CDK13: variants seen among roughly 807,000 people sequenced by gnomAD.
The protein encoded by CDK13 is cyclin-dependent kinase 13.
In CDK13, 40 loss-of-function variants were observed where a neutral mutation model predicts 137.6. The ratio of observed to expected loss-of-function variants is 0.29; its 90% CI spans 0.23 to 0.38. CDK13 has a LOEUF of 0.38. Ranked by LOEUF, CDK13 falls within the 10% of genes least tolerant of loss-of-function variation. The pLI is 1.00. For synonymous variants in CDK13, 869 were observed against 760.1 expected, an observed-to-expected ratio of 1.14 and a Z score of -2.36; for missense variants, 1,704 against 1,951.8, an observed-to-expected ratio of 0.87 and a Z score of 2.39.
intron 1 of CDK13, 50 bp from the exon 2 acceptor site, chr7:39,987,549 A>C: frequency 6.9e-7 from 1 of 1,450,260 alleles, no homozygotes; most frequent in Non-Finnish European, 9.2e-7. Context: ...TGTAAATTCC[A>C]AACTGAACCT....
intron 11 of CDK13, among the ~76,000 whole-genome samples, 191 bp from the exon 12 acceptor site, chr7:40,087,935 G>A (rs1389532065): frequency 6.6e-6 from 1 of 152,086 alleles, no homozygotes; most frequent in African/African-American, 2.4e-5. Context: ...TAGATTATCT[G>A]TAAAGGCAAA....
Position 40,098,184 on chromosome 7 carries a change from A to G in CDK13, c.*3204A>G, listed in dbSNP as rs538724382. On this transcript the variant is annotated 3_prime_UTR_variant, in exon 14 of 14. Coordinates refer to ENST00000181839, the MANE Select transcript of CDK13 (RefSeq NM_003718.5). ...AGCTGTTTGATATCACTTAAAAGTG[A>G]TAAAATTTTAAGTTGAATCTGGTCA... 6.6e-6 allele frequency: 1 copy of G among 152,138 alleles called. No individual in the cohort carries two copies. 9.4% of individuals were successfully genotyped at this position (152,138 alleles called of 1,614,324 possible). A position where few individuals can be genotyped will look rare whatever the true frequency, so the allele number is the denominator to read the frequency against.
intron 9 of CDK13, among the ~76,000 whole-genome samples, chr7:40,069,036 C>G (rs1441856689): frequency 6.6e-6 from 1 of 152,068 alleles, no homozygotes; most frequent in Non-Finnish European, 1.5e-5. Context: ...GAGTTTGAGA[C>G]CAGCCTGGGC....
chr7:39,968,817 CAG>C (rs1371754890), intron 1 of CDK13, among the ~76,000 whole-genome samples: 2 of 152,186 alleles, frequency 1.3e-5, no homozygotes, highest in African/African-American at 4.8e-5. Flanking sequence ...TCCACTGAAT[CAG>C]AGTCTTGAAT....
chr7:40,089,283 A>G (rs556866149), intron 12 of CDK13, among the ~76,000 whole-genome samples: 16 of 147,770 alleles, frequency 1.1e-4, no homozygotes, highest in African/African-American at 3.7e-4. Context: ...AAAAATACAA[A>G]AAAAAAATTA....
At chr7:40,003,734 C>T (rs912762624) in intron 5 of CDK13, among the ~76,000 whole-genome samples, 3 of 152,150 alleles carry the variant, frequency 2.0e-5, no homozygotes, top group African/African-American at 7.2e-5. Flanking sequence ...GAGATCACCT[C>T]CCTGCCTACT....
chr7:40,017,591 T>C (rs1293065492), intron 5 of CDK13, among the ~76,000 whole-genome samples: 1 of 152,126 alleles, frequency 6.6e-6, no homozygotes, highest in Non-Finnish European at 1.5e-5. Flanking sequence ...TGACATTTTC[T>C]ACTGATTTAG....
intron 11 of CDK13, among the ~76,000 whole-genome samples, chr7:40,079,896 G>C (rs1338545332): frequency 6.6e-6 from 1 of 152,158 alleles, no homozygotes; most frequent in Non-Finnish European, 1.5e-5. Flanking sequence ...ATTTCTCTAG[G>C]ATTGATTTGG....
At position 39,973,753 on chromosome 7, in the gene CDK13, G is replaced by A. The variant is rs529068503; in HGVS notation, c.1212-13846G>A. ...TCCTACTTTGATCCATTTTCAGTTA[G>A]TTTTTTGTATGGTGAAAGGAAGAGG... On this transcript the variant is annotated intron_variant, in intron 1 of 13. Transcript: ENST00000181839. Among the ~76,000 whole-genome samples, 242 of 152,214 alleles carry A rather than the reference G, an allele frequency of 1.6e-3. 1 individual carries two copies. The highest frequency in any genetic ancestry group is 0.01 in the Middle Eastern group (3 of 294).
At chr7:40,067,783 C>A (rs1786313284) in intron 9 of CDK13, 1 of 150,846 alleles carries the variant, frequency 6.6e-6, no homozygotes, top group Non-Finnish European at 1.5e-5. Context: ...ACGCCCCCAT[C>A]CCCCATATCT....
At chr7:39,995,188 A>G (rs187429921) in intron 2 of CDK13, among the ~76,000 whole-genome samples, 3 of 152,178 alleles carry the variant, frequency 2.0e-5, no homozygotes, top group Non-Finnish European at 2.9e-5. Flanking sequence ...TTCAATAAAA[A>G]TGTTTTAAAT....
intron 8 of CDK13, 48 bp downstream of exon 8, chr7:40,062,975 G>C (rs376788855): frequency 7.5e-6 from 12 of 1,603,698 alleles, no homozygotes; most frequent in African/African-American, 1.3e-5. Flanking sequence ...ACTTTTGGTA[G>C]TGAATTAAAA....
chr7:39,951,911 G>T lies in CDK13; in HGVS notation c.1211+59G>T, dbSNP rs573466804. 181 of 1,316,072 alleles carry T rather than the reference G, an allele frequency of 1.4e-4. No homozygotes were observed. The African/African-American group carries it at 2.5e-3, about 18-fold the overall frequency. 81.5% of individuals were successfully genotyped at this position (1,316,072 alleles called of 1,614,324 possible). A position where few individuals can be genotyped will look rare whatever the true frequency, so the allele number is the denominator to read the frequency against. On this transcript the variant is annotated intron_variant, in intron 1 of 13. Coordinates refer to ENST00000181839, the MANE Select transcript of CDK13 (RefSeq NM_003718.5). Reference sequence around the variant, plus strand: ...GCTGCGCTGGCCAGATCCCCAGGAGGAAGGGAAAGTGGTGCCCGGGTCCTC... The same window carrying T: ...GCTGCGCTGGCCAGATCCCCAGGAGTAAGGGAAAGTGGTGCCCGGGTCCTC...
chr7:39,952,049 C>T lies in CDK13; in HGVS notation c.1211+197C>T. The T allele has an allele frequency of 6.9e-6, 3 of 436,832 alleles. 1 individual carries two copies. The highest frequency in any genetic ancestry group is 3.8e-6 in the Non-Finnish European group (1 of 262,100). The allele number at this position is 436,832 out of a possible 1,614,324, so 27.1% of individuals were successfully genotyped here. A position where few individuals can be genotyped will look rare whatever the true frequency, so the allele number is the denominator to read the frequency against. ...TTAGGGGGTCGAAGGGACAAAGCAA[C>T]TGGGCGAAGGGAACTTTTCTCCTAG... On this transcript the variant is annotated intron_variant, in intron 1 of 13. Coordinates refer to ENST00000181839, the MANE Select transcript of CDK13 (RefSeq NM_003718.5).
At chr7:40,001,810 G>C in intron 4 of CDK13, 51 bp from the exon 5 acceptor site, 2 of 1,120,712 alleles carry the variant, frequency 1.8e-6, no homozygotes, top group Non-Finnish European at 2.6e-6. Flanking sequence ...TAAGAAAAAT[G>C]TCATCTGCTT....
chr7:39,999,562 T>G, intron 4 of CDK13, 62 bp downstream of exon 4: 1 of 1,467,510 alleles, frequency 6.8e-7, no homozygotes, highest in Non-Finnish European at 9.2e-7. Context: ...TGTGTTTCTC[T>G]TCTGATGTTT....
At chr7:40,069,986 G>A (rs1373158924) in intron 9 of CDK13, 1 of 149,444 alleles carries the variant, frequency 6.7e-6, no homozygotes, top group African/African-American at 2.5e-5. Context: ...AGGCCGAGGC[G>A]GACAGGTCAT....
chr7:40,003,257 T>G (rs1784732700), intron 5 of CDK13, among the ~76,000 whole-genome samples: 1 of 149,750 alleles, frequency 6.7e-6, no homozygotes, highest in Non-Finnish European at 1.5e-5. Context: ...TTCAAAATGA[T>G]TGATAAACTA....
chr7:40,084,540 AAAGT>A (rs1786743173), intron 11 of CDK13, among the ~76,000 whole-genome samples: 1 of 152,232 alleles, frequency 6.6e-6, no homozygotes, highest in African/African-American at 2.4e-5. Context: ...TGTCAAACGT[AAAGT>A]ATATATAGCT....
Sources: allele counts gnomAD v4.1 joint callset (sites outside exome capture counted in the v4.1 genomes callset), GRCh38; gene constraint gnomAD v4.1.1; transcripts MANE v1.5; gene names NCBI Gene and HGNC (gene_info 2026-07-23, HGNC 2026-07-21).